Variants in HBEGF observed in about 807,000 individuals in gnomAD.
HBEGF encodes the protein heparin binding EGF like growth factor.
In HBEGF, 8 loss-of-function variants were observed where a neutral mutation model predicts 19.5. The observed-to-expected ratio is 0.41, with a 90% confidence interval of 0.24 to 0.74. The LOEUF (loss-of-function observed/expected upper bound fraction) is 0.74, where lower values mean the gene tolerates loss of function less well. Among genes scored for constraint, HBEGF ranks in the 30% least tolerant of loss-of-function variants. The pLI, the probability that HBEGF is intolerant of heterozygous loss-of-function variation, is 0.32. For synonymous variants in HBEGF, 97 were observed against 108.9 expected, an observed-to-expected ratio of 0.89 and a Z score of 0.68; for missense variants, 207 against 256.9, an observed-to-expected ratio of 0.81 and a Z score of 1.33.
intron 4 of HBEGF, 50 bp downstream of exon 4, chr5:140,335,822 A>C: frequency 6.3e-7 from 1 of 1,593,498 alleles, no homozygotes; most frequent in Non-Finnish European, 8.6e-7. Context: ...AGGAGGAGGA[A>C]GAAAGGGAGT....
chr5:140,341,584 T>A (rs1299785283), intron 3 of HBEGF, among the ~76,000 whole-genome samples: 1 of 152,188 alleles, frequency 6.6e-6, no homozygotes, highest in Non-Finnish European at 1.5e-5. Context: ...CTGCTGTGTG[T>A]GATCAGACAA....
intron 4 of HBEGF, chr5:140,335,155 G>A (rs111259601): frequency 8.3e-4 from 142 of 171,496 alleles, no homozygotes; most frequent in African/African-American, 3.3e-3. Flanking sequence ...AGGCCGAGGC[G>A]GGCAGATCAC....
intron 4 of HBEGF, chr5:140,334,968 C>T (rs988575214): frequency 8.9e-5 from 53 of 594,486 alleles, no homozygotes; most frequent in Non-Finnish European, 1.3e-4. Context: ...ACCTCATTTA[C>T]GTGATCCTCA....
At chr5:140,334,786 T>G (rs1172006080) in intron 4 of HBEGF, 38 bp from the exon 5 acceptor site, 1 of 1,479,488 alleles carries the variant, frequency 6.8e-7, no homozygotes, top group Middle Eastern at 1.7e-4. Context: ...CCCTGCCTGC[T>G]ATGACAAAGT....
chr5:140,340,221 G>A (rs1766287016), intron 3 of HBEGF, among the ~76,000 whole-genome samples: 1 of 152,028 alleles, frequency 6.6e-6, no homozygotes, highest in Admixed American at 6.5e-5. Flanking sequence ...GGGAGGCGGA[G>A]GCTGCAGAGA....
chr5:140,346,294 A>G lies in HBEGF; in HGVS notation c.35T>C (p.Phe12Ser), dbSNP rs748132476. The change falls in exon 1 of 6, where the codon TTT becomes TCT. Residue 12 changes from phenylalanine to serine, a missense_variant. Coordinates refer to ENST00000230990, the MANE Select transcript of HBEGF (RefSeq NM_001945.3). This position sits in a 1 kb window ranked among gnomAD's most constrained non-coding sequence, Gnocchi z 6.1. Reference protein sequence around the residue: ...KLLPSVVLKLFLAAVLSALVT... With the variant: ...KLLPSVVLKLSLAAVLSALVT... ...GGCAGCCCTCTTACCTGCAGCCAGA[A>G]AGAGCTTCAGCACCACCGACGGCAG... The G allele has an allele frequency of 5.6e-6, 9 of 1,608,228 alleles. No homozygotes were observed. The Admixed American group carries it at 1.5e-4, about 27-fold the overall frequency.
Position 140,342,709 on chromosome 5 carries a change from A to G in HBEGF, c.324T>C (p.Cys108=). 1 of 1,614,190 alleles carries G rather than the reference A, an allele frequency of 6.2e-7. No homozygotes were observed. The highest frequency in any genetic ancestry group is 8.5e-7 in the Non-Finnish European group (1 of 1,180,022). The change falls in exon 3 of 6, where the codon TGT becomes TGC. Residue 108 remains cysteine, a synonymous_variant. Coordinates refer to ENST00000230990, the MANE Select transcript of HBEGF (RefSeq NM_001945.3). ...GKGLGKKRDP[C]LRKYKDFCIH... Reference sequence around the variant, plus strand: ...TGCAGAAGTCCTTGTATTTCCGAAGACATGGGTCCCTCTTCTTCCCTAGCC... The same window carrying G: ...TGCAGAAGTCCTTGTATTTCCGAAGGCATGGGTCCCTCTTCTTCCCTAGCC...
In HBEGF at chr5:140,334,695, C is replaced by T. The variant is rs1411904845; in HGVS notation, c.608G>A (p.Gly203Asp). ...TCTCTCTCAGTGGGAATTAGTCATG[C>T]CCAACTTCACTTTCTCTTCATTTTC... ...DVENEEKVKL[G>D]MTNSH Residue 203 changes from glycine (G) to aspartate (D), a missense_variant, in exon 5 of 6, where the codon GGC becomes GAC. Transcript: ENST00000230990. The T allele has an allele frequency of 1.2e-6, 2 of 1,613,638 alleles. No homozygotes were observed. The highest frequency in any genetic ancestry group is 1.7e-6 in the Non-Finnish European group (2 of 1,179,572).
chr5:140,338,926 A>C (rs1332503017), intron 3 of HBEGF, among the ~76,000 whole-genome samples: 2 of 152,232 alleles, frequency 1.3e-5, no homozygotes, highest in African/African-American at 4.8e-5. Flanking sequence ...GACTGAGTGC[A>C]TGAGTTCCAG....
At chr5:140,339,010 A>G (rs1185042144) in intron 3 of HBEGF, among the ~76,000 whole-genome samples, 1 of 152,240 alleles carries the variant, frequency 6.6e-6, no homozygotes, top group Non-Finnish European at 1.5e-5. Context: ...TGGTTTCCTC[A>G]TGTAAAACAC....
In HBEGF at chr5:140,346,170, G is replaced by C; in HGVS notation, c.47-86C>G. ...GATGCCGACGCCCGTCCGCCAGAGC[G>C]CAAGGGCCCCACCAAGTGGCCCGTG... On this transcript the variant is annotated intron_variant, in intron 1 of 5. Transcript: ENST00000230990. The surrounding 1 kb of genome is among the most constrained non-coding windows in gnomAD (Gnocchi z 6.1). The C allele has an allele frequency of 1.9e-6, 3 of 1,558,410 alleles. No homozygotes were observed. The highest frequency in any genetic ancestry group is 2.3e-5 in the South Asian group (2 of 86,650).
intron 2 of HBEGF, chr5:140,343,106 A>G (rs1766340601): frequency 5.6e-6 from 2 of 360,048 alleles, no homozygotes; most frequent in Non-Finnish European, 5.1e-6. Flanking sequence ...GTAACTGGGC[A>G]ATTCTACCAA....
chr5:140,341,574 C>T (rs956198887), intron 3 of HBEGF, among the ~76,000 whole-genome samples: 5 of 152,200 alleles, frequency 3.3e-5, no homozygotes, highest in Admixed American at 2.0e-4. Flanking sequence ...CAGGGCAGCT[C>T]TGCTGTGTGT....
intron 2 of HBEGF, among the ~76,000 whole-genome samples, chr5:140,343,488 C>A (rs774995687): frequency 6.6e-6 from 1 of 152,214 alleles, no homozygotes; most frequent in Non-Finnish European, 1.5e-5. Context: ...CACCCACTTT[C>A]TCAAAGATTC....
Position 140,336,037 on chromosome 5 carries a change from G to C in HBEGF, c.399-10C>G, listed in dbSNP as rs550705450. On this transcript the variant is annotated splice_polypyrimidine_tract_variant and intron_variant, in intron 3 of 5. Transcript: ENST00000230990. ...GTAACCCGGGTGGCAGCTAGTTCAA[G>C]ACAGAACAAGAAGGAGATGGAGTTA... 6.2e-7 allele frequency: 1 copy of C among 1,612,934 alleles called. No individual in the cohort carries two copies. Among genetic ancestry groups the C allele is most frequent in the Non-Finnish European group, 8.5e-7 (1 of 1,179,452 alleles).
chr5:140,335,819 G>C (rs1766219010), intron 4 of HBEGF, 53 bp downstream of exon 4: 4 of 1,587,026 alleles, frequency 2.5e-6, no homozygotes, highest in Non-Finnish European at 3.4e-6. Context: ...CCCAGGAGGA[G>C]GAAGAAAGGG....
Position 140,346,451 on chromosome 5 carries a change from C to T in HBEGF, c.-123G>A. On this transcript the variant is annotated 5_prime_UTR_variant, in exon 1 of 6. Transcript: ENST00000230990. This position sits in a 1 kb window ranked among gnomAD's most constrained non-coding sequence, Gnocchi z 6.1. ...TCCGCCGGGCACCGTCTGCCGCCCG[C>T]CTCTGCGTGCAAGCCTGGCCGGGAC... 2 of 1,068,476 alleles carry T rather than the reference C, an allele frequency of 1.9e-6. No individual in the cohort carries two copies. Among genetic ancestry groups the T allele is most frequent in the South Asian group, 2.7e-5 (2 of 74,110 alleles). The allele number at this position is 1,068,476 out of a possible 1,614,324, so 66.2% of individuals were successfully genotyped here.
chr5:140,337,492 T>C (rs1017639360), intron 3 of HBEGF, among the ~76,000 whole-genome samples: 3 of 152,216 alleles, frequency 2.0e-5, no homozygotes, highest in Non-Finnish European at 4.4e-5. Context: ...TTTTCTGAGC[T>C]GTGCTTTCTC....
At chr5:140,342,569 C>T (rs1334426392) in intron 3 of HBEGF, 66 bp downstream of exon 3, 15 of 1,453,298 alleles carry the variant, frequency 1.0e-5, no homozygotes, top group South Asian at 3.5e-5. Context: ...ACAGTGACAA[C>T]GAGGAACAGC....
Sources: gnomAD v4.1 joint callset for allele counts (sites outside exome capture counted in the v4.1 genomes callset) on GRCh38, gnomAD v4.1.1 for gene constraint, Gnocchi (gnomAD v3.1) non-coding constraint, MANE v1.5 for transcripts, NCBI Gene and HGNC (gene_info 2026-07-23, HGNC 2026-07-21) for gene names.